RPN2: variants seen among roughly 807,000 people sequenced by gnomAD.
RPN2 encodes ribophorin II.
In RPN2, 29 loss-of-function variants were observed where a neutral mutation model predicts 71.4. That is an observed-to-expected ratio of 0.41 (90% CI 0.30 to 0.55). The LOEUF is 0.55. RPN2 is among the 20% of genes least tolerant of loss of function. RPN2 has a pLI of 0.35. For missense variants in RPN2, 726 were observed against 774.1 expected (o/e 0.94, Z 0.74); for synonymous variants, 308 against 305.0 (o/e 1.01, Z -0.10).
chr20:37,191,766 T>A (rs2067146418), intron 2 of RPN2, among the ~76,000 whole-genome samples: 1 of 151,966 alleles, frequency 6.6e-6, no homozygotes. Context: ...ATTTTACAGA[T>A]ATCATTATTT....
Position 37,241,424 on chromosome 20 carries a change from A to T in RPN2, c.*109A>T. 2 of 1,311,078 alleles carry T rather than the reference A, an allele frequency of 1.5e-6. No individual in the cohort carries two copies. Among genetic ancestry groups the T allele is most frequent in the Non-Finnish European group, 2.1e-6 (2 of 940,146 alleles). The allele number at this position is 1,311,078 out of a possible 1,614,324, so 81.2% of individuals were successfully genotyped here. A position where few individuals can be genotyped will look rare whatever the true frequency, so the allele number is the denominator to read the frequency against. On this transcript the variant is annotated 3_prime_UTR_variant, in exon 17 of 17. Coordinates refer to ENST00000237530, the MANE Select transcript of RPN2 (RefSeq NM_002951.5). The stretch of plus-strand genomic sequence containing the variant: ...AAAAAAAAAACTTTATTTAAAAAAG[A>T]AAAAAGTCCAGATTGTAGTTATACT...
chr20:37,185,282 T>C (rs1319649955), intron 2 of RPN2, among the ~76,000 whole-genome samples: 1 of 151,492 alleles, frequency 6.6e-6, no homozygotes, highest in East Asian at 1.9e-4. Context: ...ACTACAGGTG[T>C]GCACCACCAT....
intron 7 of RPN2, among the ~76,000 whole-genome samples, chr20:37,209,626 G>GGGACTACAAGCACATGCCACCATGCCCAA (rs2067606910): frequency 6.6e-6 from 1 of 151,844 alleles, no homozygotes; most frequent in African/African-American, 2.4e-5. Context: ...ACCATGCCCA[G>GGGACTACAAGCACATGCCACCATGCCCAA]CTAATTTTTT....
At chr20:37,182,156 C>T (rs1014428798) in intron 1 of RPN2, among the ~76,000 whole-genome samples, 3 of 151,660 alleles carry the variant, frequency 2.0e-5, no homozygotes, top group South Asian at 4.2e-4. Flanking sequence ...TGCAGTGGTG[C>T]GATCTCGGCT....
chr20:37,230,214 T>C (rs1433632474), intron 13 of RPN2, among the ~76,000 whole-genome samples, 155 bp downstream of exon 13: 1 of 152,186 alleles, frequency 6.6e-6, no homozygotes, highest in Non-Finnish European at 1.5e-5. Flanking sequence ...GCCCCATCCT[T>C]GAACTGAGAA....
chr20:37,218,588 T>C (rs1334096947), intron 9 of RPN2, among the ~76,000 whole-genome samples: 2 of 152,154 alleles, frequency 1.3e-5, no homozygotes, highest in Admixed American at 6.6e-5. Context: ...ATCCAGTGTT[T>C]TTAGTATTTT....
chr20:37,182,022 A>G (rs1479217177), intron 1 of RPN2, among the ~76,000 whole-genome samples: 2 of 152,168 alleles, frequency 1.3e-5, no homozygotes, highest in East Asian at 3.8e-4. Flanking sequence ...TGTGTGGCAC[A>G]TAGTAGCTCA....
chr20:37,236,029 A>T (rs2146711537), intron 15 of RPN2, among the ~76,000 whole-genome samples: 1 of 152,298 alleles, frequency 6.6e-6, no homozygotes, highest in Admixed American at 6.5e-5. Context: ...TTTAAACAAA[A>T]GCAGAGAAAT....
At chr20:37,238,733 G>A in intron 16 of RPN2, 3 of 670,314 alleles carry the variant, frequency 4.5e-6, no homozygotes, top group Non-Finnish European at 8.4e-6. Flanking sequence ...TATCCCGTGG[G>A]GTACTTACTT....
chr20:37,185,144 CT>C (rs540014605), intron 2 of RPN2, among the ~76,000 whole-genome samples: 51,570 of 136,292 alleles, frequency 0.38, 9,342 homozygotes, highest in African/African-American at 0.5. Flanking sequence ...TCGGGACAGT[CT>C]TTTTTTTTTT....
At chr20:37,210,250 TC>T in intron 8 of RPN2, 85 bp downstream of exon 8, 7 of 1,600,030 alleles carry the variant, frequency 4.4e-6, no homozygotes, top group Non-Finnish European at 5.9e-6. Flanking sequence ...ATTAATACAT[TC>T]CAGTTAGGTA....
intron 12 of RPN2, among the ~76,000 whole-genome samples, chr20:37,229,063 G>A (rs3817882): frequency 0.74 from 112,356 of 151,988 alleles, 41,982 homozygotes; most frequent in Middle Eastern, 0.85. Flanking sequence ...TTGGGGTTAC[G>A]TAGATGTGAA....
rs763829238 is a variant in RPN2 at position 37,230,066 on chromosome 20, C to T, written c.1581+7C>T. 1 of 1,606,072 alleles carries T rather than the reference C, an allele frequency of 6.2e-7. No individual in the cohort carries two copies. Among genetic ancestry groups the T allele is most frequent in the East Asian group, 2.2e-5 (1 of 44,846 alleles). The stretch of plus-strand genomic sequence containing the variant: ...TCCAAAACAGGAAATTCAGGTATAT[C>T]CCAAAGGGCCTATCCACTAAACGTG... On this transcript the variant is annotated splice_region_variant and intron_variant, in intron 13 of 16. Coordinates refer to ENST00000237530, the MANE Select transcript of RPN2 (RefSeq NM_002951.5).
intron 13 of RPN2, 144 bp downstream of exon 13, chr20:37,230,203 A>G: frequency 1.3e-6 from 1 of 748,526 alleles, no homozygotes; most frequent in African/African-American, 1.7e-5. Flanking sequence ...GGTAAATGGC[A>G]GCCCCATCCT....
chr20:37,239,983 TCCTGGGCTCAAGCA>T (rs2068510496), intron 16 of RPN2, among the ~76,000 whole-genome samples: 2 of 152,338 alleles, frequency 1.3e-5, no homozygotes, highest in African/African-American at 2.4e-5. Context: ...GGTCTCAAGC[TCCTGGGCTCAAGCA>T]ATCCTCCTGC....
chr20:37,194,778 T>G (rs1213466788), intron 2 of RPN2, among the ~76,000 whole-genome samples: 1 of 151,980 alleles, frequency 6.6e-6, no homozygotes, highest in Non-Finnish European at 1.5e-5. Context: ...AAAGCGGGCC[T>G]GGTTAGAAAG....
intron 8 of RPN2, among the ~76,000 whole-genome samples, 176 bp downstream of exon 8, chr20:37,210,341 G>A (rs2067628345): frequency 6.6e-6 from 1 of 152,128 alleles, no homozygotes; most frequent in South Asian, 2.1e-4. Flanking sequence ...TGGTTTTACT[G>A]TTTCATTCTC....
At chr20:37,238,503 C>G in intron 16 of RPN2, 1 of 1,249,346 alleles carries the variant, frequency 8.0e-7, no homozygotes, top group Non-Finnish European at 1.2e-6. Flanking sequence ...CCCGTCTTGC[C>G]CGCCTCATGC....
chr20:37,202,085 C>A (rs2067402627), intron 4 of RPN2, among the ~76,000 whole-genome samples: 1 of 152,180 alleles, frequency 6.6e-6, no homozygotes, highest in African/African-American at 2.4e-5. Flanking sequence ...GGATTAATTT[C>A]ATTCTAAAAC....
Sources: gnomAD v4.1 joint callset for allele counts (sites outside exome capture counted in the v4.1 genomes callset) on GRCh38, gnomAD v4.1.1 for gene constraint, MANE v1.5 for transcripts, NCBI Gene and HGNC (gene_info 2026-07-23, HGNC 2026-07-21) for gene names.